PDE4B: variants seen among roughly 807,000 people sequenced by gnomAD.
The protein encoded by PDE4B is 3',5'-cyclic-AMP phosphodiesterase 4B.
PDE4B carries 20 observed loss-of-function variants against 82.2 expected under a neutral mutation model. That is an observed-to-expected ratio of 0.24 (90% CI 0.17 to 0.35). PDE4B has a LOEUF of 0.35. Among genes scored for constraint, PDE4B ranks in the 10% least tolerant of loss-of-function variants. The pLI is 1.00. For synonymous variants in PDE4B, 320 were observed against 318.9 expected, an observed-to-expected ratio of 1.00 and a Z score of -0.04; for missense variants, 655 against 907.2, an observed-to-expected ratio of 0.72 and a Z score of 3.57.
chr1:66,056,016 A>G (rs1188701410), intron 3 of PDE4B, among the ~76,000 whole-genome samples: 1 of 152,112 alleles, frequency 6.6e-6, no homozygotes, highest in Admixed American at 6.5e-5. Context: ...CAAAATTTAT[A>G]TTTTTCCCAT....
intron 3 of PDE4B, among the ~76,000 whole-genome samples, chr1:66,217,129 T>C (rs537034769): frequency 1.3e-5 from 2 of 152,228 alleles, no homozygotes; most frequent in East Asian, 1.9e-4. Flanking sequence ...TGGTGTCAGC[T>C]TCCCCTCTCC....
intron 1 of PDE4B, among the ~76,000 whole-genome samples, chr1:65,894,656 A>C (rs1557803410): frequency 6.6e-6 from 1 of 152,178 alleles, no homozygotes; most frequent in Non-Finnish European, 1.5e-5. Context: ...CATGTAAGCA[A>C]CTCTTACAAA....
At chr1:65,953,118 T>G (rs1649088022) in intron 3 of PDE4B, among the ~76,000 whole-genome samples, 1 of 152,064 alleles carries the variant, frequency 6.6e-6, no homozygotes, top group South Asian at 2.1e-4. Context: ...ACTTCCACTG[T>G]CCAAATTCTA....
At chr1:65,851,920 G>A (rs1266511313) in intron 1 of PDE4B, among the ~76,000 whole-genome samples, 1 of 151,870 alleles carries the variant, frequency 6.6e-6, no homozygotes, top group Non-Finnish European at 1.5e-5. Context: ...TCTATTGATA[G>A]TTTTCTGAGA....
rs145958358 is a variant in PDE4B, at chr1:65,851,272, T to C, written c.-71+58024T>C. On this transcript the variant is annotated intron_variant, in intron 1 of 16. Coordinates refer to ENST00000341517, the MANE Select transcript of PDE4B (RefSeq NM_002600.4). ...TTTAAGTCCTCCCAATATGTACTTT[T>C]TCAAAACAGTTTTTGCTATTTTAGC... 3.1e-3 allele frequency among the ~76,000 whole-genome samples: 479 copies of C among 152,268 alleles called. 4 individuals are homozygous for C. Among genetic ancestry groups the C allele is most frequent in the African/African-American group, 0.011 (454 of 41,578 alleles).
chr1:66,148,249 G>C (rs1371187389), intron 3 of PDE4B, among the ~76,000 whole-genome samples: 1 of 152,000 alleles, frequency 6.6e-6, no homozygotes, highest in Non-Finnish European at 1.5e-5. Flanking sequence ...CAGCTTGTGT[G>C]ATAGAGTGAG....
intron 3 of PDE4B, among the ~76,000 whole-genome samples, chr1:66,096,164 T>A (rs919316583): frequency 1.3e-5 from 2 of 151,848 alleles, no homozygotes; most frequent in African/African-American, 4.8e-5. Flanking sequence ...TCTGTGCATA[T>A]ACCCTTTTCC....
At chr1:65,952,287 C>T (rs1421926682) in intron 3 of PDE4B, among the ~76,000 whole-genome samples, 2 of 152,066 alleles carry the variant, frequency 1.3e-5, no homozygotes, top group Non-Finnish European at 2.9e-5. Context: ...CACTTTACAC[C>T]AAATTAACCC....
At chr1:66,210,340 G>A (rs185673664) in intron 3 of PDE4B, among the ~76,000 whole-genome samples, 17 of 152,204 alleles carry the variant, frequency 1.1e-4, no homozygotes, top group African/African-American at 3.9e-4. Context: ...GCTCACGCCT[G>A]TAATCCCAGC....
intron 7 of PDE4B, among the ~76,000 whole-genome samples, chr1:66,284,268 C>G (rs1007235335): frequency 1.3e-5 from 2 of 151,944 alleles, no homozygotes; most frequent in African/African-American, 4.8e-5. Context: ...TAGTATTTCC[C>G]ATAGCTCGGT....
At chr1:66,114,203 C>T (rs962560133) in intron 3 of PDE4B, among the ~76,000 whole-genome samples, 5 of 152,112 alleles carry the variant, frequency 3.3e-5, no homozygotes, top group Non-Finnish European at 7.4e-5. Context: ...TCACCAGAAA[C>T]CAAATTAGCC....
chr1:66,141,563 GAA>G (rs1297833633), intron 3 of PDE4B, among the ~76,000 whole-genome samples: 2 of 151,904 alleles, frequency 1.3e-5, no homozygotes, highest in Non-Finnish European at 2.9e-5. Context: ...AGTTAGGGAA[GAA>G]GAGAGAGTGA....
chr1:66,262,517 C>A (rs1654757718), intron 6 of PDE4B, among the ~76,000 whole-genome samples: 1 of 152,210 alleles, frequency 6.6e-6, no homozygotes, highest in Non-Finnish European at 1.5e-5. Context: ...ATTATCTTCC[C>A]TATTTATATC....
In PDE4B at chr1:65,796,132, A is replaced by C. The variant is rs559371796; in HGVS notation, c.-71+2884A>C. Among the ~76,000 whole-genome samples, 17 of 152,270 alleles carry C rather than the reference A, an allele frequency of 1.1e-4. No homozygotes were observed. The East Asian group carries it at 3.3e-3, about 29-fold the overall frequency. On this transcript the variant is annotated intron_variant, in intron 1 of 16. Coordinates refer to ENST00000341517, the MANE Select transcript of PDE4B (RefSeq NM_002600.4). ...TACACAATGCGTCATTTCTCTCTGG[A>C]GAGTTTCAAGAATATTTTCTATATC...
At chr1:65,959,485 C>T (rs1355775609) in intron 3 of PDE4B, among the ~76,000 whole-genome samples, 1 of 152,102 alleles carries the variant, frequency 6.6e-6, no homozygotes, top group African/African-American at 2.4e-5. Context: ...ACTACACCAC[C>T]AGGTCCATGT....
chr1:66,261,630 G>T (rs1014142972), intron 6 of PDE4B, among the ~76,000 whole-genome samples: 4 of 152,112 alleles, frequency 2.6e-5, no homozygotes, highest in Non-Finnish European at 5.9e-5. Context: ...TTATCTTTTG[G>T]CTCTTTGCTG....
At chr1:66,201,178 G>C (rs1406501037) in intron 3 of PDE4B, among the ~76,000 whole-genome samples, 1 of 152,172 alleles carries the variant, frequency 6.6e-6, no homozygotes, top group South Asian at 2.1e-4. Context: ...AGCCAGCCTT[G>C]CATCCCAGGG....
intron 1 of PDE4B, among the ~76,000 whole-genome samples, chr1:65,854,403 C>A (rs1646368723): frequency 6.6e-6 from 1 of 150,902 alleles, no homozygotes; most frequent in African/African-American, 2.4e-5. Context: ...GAAGAACTTT[C>A]TTTAACGTAT....
At chr1:65,984,785 A>G (rs188982369) in intron 3 of PDE4B, among the ~76,000 whole-genome samples, 69 of 152,238 alleles carry the variant, frequency 4.5e-4, no homozygotes, top group African/African-American at 1.6e-3. Context: ...AAATATATAT[A>G]TGTTATCTTT....
Sources: gnomAD v4.1 joint callset for allele counts (sites outside exome capture counted in the v4.1 genomes callset) on GRCh38, gnomAD v4.1.1 for gene constraint, MANE v1.5 for transcripts, NCBI Gene and HGNC (gene_info 2026-07-23, HGNC 2026-07-21) for gene names.